Variants in SHANK2 observed in about 807,000 individuals in gnomAD.
SHANK2 encodes the protein SH3 and multiple ankyrin repeat domains protein 2.
Under a neutral mutation model 133.7 loss-of-function variants are expected in SHANK2, and 43 were observed. The observed-to-expected ratio is 0.32, with a 90% CI of 0.25 to 0.41. The LOEUF is 0.41. Among genes scored for constraint, SHANK2 ranks in the 10% least tolerant of loss-of-function variants. SHANK2 has a pLI of 1.00. For synonymous variants in SHANK2, 1,017 were observed against 952.8 expected (o/e 1.07, Z -1.24); for missense variants, 1,994 against 2,235.8 (o/e 0.89, Z 2.18).
intron 10 of SHANK2, among the ~76,000 whole-genome samples, chr11:70,946,438 C>T (rs868909679): frequency 0.011 from 1,621 of 149,038 alleles, 15 homozygotes; most frequent in African/African-American, 0.037. Flanking sequence ...ACCAACCCTT[C>T]CCAGGCTCAA....
chr11:70,560,734 C>T (rs986465748), intron 17 of SHANK2, among the ~76,000 whole-genome samples: 1 of 151,746 alleles, frequency 6.6e-6, no homozygotes, highest in Non-Finnish European at 1.5e-5. Flanking sequence ...CGGGTTCAAG[C>T]GATTCTCCTG....
chr11:71,090,477 G>A (rs1300303107), intron 8 of SHANK2, among the ~76,000 whole-genome samples: 2 of 54,052 alleles, frequency 3.7e-5, no homozygotes, highest in African/African-American at 5.7e-5. Flanking sequence ...GTGTGTGTGT[G>A]TGTGTCCTGC....
intron 10 of SHANK2, among the ~76,000 whole-genome samples, chr11:70,944,448 G>C (rs1238004766): frequency 1.3e-5 from 2 of 152,224 alleles, no homozygotes; most frequent in African/African-American, 4.8e-5. Context: ...AGCAGCATAG[G>C]AGGGGCCGAT....
At chr11:71,143,197 T>G (rs112444809) in intron 3 of SHANK2, among the ~76,000 whole-genome samples, 1 of 152,094 alleles carries the variant, frequency 6.6e-6, no homozygotes, top group Non-Finnish European at 1.5e-5. Context: ...ATCACGCCAC[T>G]GCACACCAGC....
At chr11:70,954,337 G>A (rs902458805) in intron 10 of SHANK2, among the ~76,000 whole-genome samples, 1 of 152,302 alleles carries the variant, frequency 6.6e-6, no homozygotes, top group East Asian at 1.9e-4. Context: ...CCTTCATCAC[G>A]GACTGTCCCT....
At chr11:70,593,017 G>A (rs1377162967) in intron 17 of SHANK2, among the ~76,000 whole-genome samples, 1 of 152,192 alleles carries the variant, frequency 6.6e-6, no homozygotes, top group Non-Finnish European at 1.5e-5. Flanking sequence ...TCGGAGGGGT[G>A]GGTCCCAGCC....
chr11:70,672,731 A>C (rs1173585954), intron 15 of SHANK2, among the ~76,000 whole-genome samples: 3 of 152,170 alleles, frequency 2.0e-5, no homozygotes, highest in Non-Finnish European at 4.4e-5. Flanking sequence ...TTGTTCACTC[A>C]TTTGCTGTCT....
At chr11:70,592,555 C>T (rs1554988323) in intron 17 of SHANK2, among the ~76,000 whole-genome samples, 1 of 151,802 alleles carries the variant, frequency 6.6e-6, no homozygotes, top group African/African-American at 2.4e-5. Context: ...TCTCGGTGGC[C>T]CCCCTTCTGC....
chr11:70,515,001 A>G (rs2059247371), intron 17 of SHANK2, among the ~76,000 whole-genome samples: 1 of 152,246 alleles, frequency 6.6e-6, no homozygotes, highest in Non-Finnish European at 1.5e-5. Flanking sequence ...GAGTTAATAA[A>G]TGAGAAAAGA....
At chr11:71,147,620 C>T (rs1445725315) in intron 2 of SHANK2, among the ~76,000 whole-genome samples, 7 of 152,256 alleles carry the variant, frequency 4.6e-5, no homozygotes, top group African/African-American at 7.2e-5. Flanking sequence ...TGTGAAACCC[C>T]GGCACTCAAA....
In SHANK2 at chr11:70,485,185, G is replaced by A. The variant is rs142975773; in HGVS notation, c.4979+129C>T. 1.6e-3 allele frequency: 1,222 copies of A among 755,814 alleles called. 1 individual carries two copies. Among genetic ancestry groups the A allele is most frequent in the African/African-American group, 5.1e-3 (298 of 58,386 alleles). The allele number at this position is 755,814 out of a possible 1,614,324, so 46.8% of individuals were successfully genotyped here. A position where few individuals can be genotyped will look rare whatever the true frequency, so the allele number is the denominator to read the frequency against. On this transcript the variant is annotated intron_variant, in intron 25 of 25. Coordinates refer to ENST00000601538, the MANE Select transcript of SHANK2 (RefSeq NM_012309.5). This position sits in a 1 kb window ranked among gnomAD's most constrained non-coding sequence, Gnocchi z 5.8. ...AAAAAGAAGTGTTACTGCATTAACA[G>A]ACGTGGCCCACACAGGCTTTACGAA...
intron 14 of SHANK2, among the ~76,000 whole-genome samples, chr11:70,777,094 C>T (rs547140032): frequency 1.1e-4 from 17 of 151,072 alleles, no homozygotes; most frequent in Non-Finnish European, 2.2e-4. Flanking sequence ...CTCACCCATC[C>T]TCCCCCACCT....
Position 71,175,598 on chromosome 11 carries a change from G to GAGACAGAGAC in SHANK2, c.-12-28261_-12-28260insGTCTCTGTCT, listed in dbSNP as rs1565496452. Among the ~76,000 whole-genome samples the GAGACAGAGAC allele has an allele frequency of 9.3e-6, 1 of 107,330 alleles. No individual in the cohort carries two copies. The highest frequency in any genetic ancestry group is 2.0e-5 in the Non-Finnish European group (1 of 50,104). The allele number at this position is 107,330 out of a possible 152,430, so 70.4% of individuals were successfully genotyped here. A position where few individuals can be genotyped will look rare whatever the true frequency, so the allele number is the denominator to read the frequency against. ...AGAGAGAGAGAGAGAGAGAGAGAGA[G>GAGACAGAGAC]AGAGACAGAGACAGAGACATCGCTT... On this transcript the variant is annotated intron_variant, in intron 2 of 25. Coordinates refer to ENST00000601538, the MANE Select transcript of SHANK2 (RefSeq NM_012309.5). The surrounding 1 kb of genome is among the most constrained non-coding windows in gnomAD (Gnocchi z 4.2).
chr11:70,793,430 A>G (rs1947838564), intron 14 of SHANK2, among the ~76,000 whole-genome samples: 1 of 152,196 alleles, frequency 6.6e-6, no homozygotes, highest in African/African-American at 2.4e-5. Context: ...ACAGGCTGGG[A>G]AAAATGTTTG....
At chr11:70,756,927 T>C (rs1946888685) in intron 14 of SHANK2, among the ~76,000 whole-genome samples, 2 of 152,110 alleles carry the variant, frequency 1.3e-5, no homozygotes, top group Admixed American at 1.3e-4. Context: ...AGACCCAGGC[T>C]CCAAACCTCC....
In SHANK2 at chr11:70,473,545, A is replaced by G; in HGVS notation, c.4980-106T>C. On this transcript the variant is annotated intron_variant, in intron 25 of 25. Transcript: ENST00000601538. The surrounding 1 kb of genome is among the most constrained non-coding windows in gnomAD (Gnocchi z 5.9). ...GAGGGAGACGCCCAAACCATGCCAG[A>G]GTGTCTAGTGGCAGATCCACTGGCA... The G allele has an allele frequency of 5.0e-6, 5 of 1,007,596 alleles. No homozygotes were observed. Among genetic ancestry groups the G allele is most frequent in the Non-Finnish European group, 7.4e-6 (5 of 674,328 alleles). 62.4% of individuals were successfully genotyped at this position (1,007,596 alleles called of 1,614,324 possible).
chr11:71,061,267 G>C (rs1467715219), intron 9 of SHANK2, among the ~76,000 whole-genome samples: 1 of 152,238 alleles, frequency 6.6e-6, no homozygotes, highest in Non-Finnish European at 1.5e-5. Flanking sequence ...CAAAGCCTGA[G>C]GTATTTACTC....
intron 25 of SHANK2, among the ~76,000 whole-genome samples, chr11:70,483,536 CAAAAAA>C (rs10590898): frequency 4.5e-5 from 2 of 44,516 alleles, no homozygotes; most frequent in East Asian, 7.3e-4. Context: ...TCATCTCTAC[CAAAAAA>C]AAAAAAAAAA....
At chr11:71,085,586 AT>A (rs1239285444) in intron 8 of SHANK2, among the ~76,000 whole-genome samples, 18 of 30,822 alleles carry the variant, frequency 5.8e-4, no homozygotes, top group Non-Finnish European at 1.0e-3. Flanking sequence ...TATATAATAT[AT>A]TATATAATAT....
Sources: allele counts gnomAD v4.1 joint callset (sites outside exome capture counted in the v4.1 genomes callset), GRCh38; gene constraint gnomAD v4.1.1; non-coding constraint Gnocchi (gnomAD v3.1); transcripts MANE v1.5; gene names NCBI Gene and HGNC (gene_info 2026-07-23, HGNC 2026-07-21).